FRMD5: variants seen among roughly 807,000 people sequenced by gnomAD.
The protein encoded by FRMD5 is FERM domain-containing protein 5.
Under a neutral mutation model 69.0 loss-of-function variants are expected in FRMD5, and 20 were observed. That is an observed-to-expected ratio of 0.29 (90% CI 0.20 to 0.42). The LOEUF (loss-of-function observed/expected upper bound fraction) is 0.42, where lower values mean the gene tolerates loss of function less well. FRMD5 is among the 10% of genes least tolerant of loss of function. FRMD5 has a pLI of 1.00. For missense variants in FRMD5, 595 were observed against 708.6 expected (o/e 0.84, Z 1.82); for synonymous variants, 271 against 260.1 (o/e 1.04, Z -0.40).
chr15:44,134,949 G>C (rs958434780), intron 1 of FRMD5, among the ~76,000 whole-genome samples: 2 of 152,142 alleles, frequency 1.3e-5, no homozygotes, highest in African/African-American at 4.8e-5. Flanking sequence ...GAGGGAACAA[G>C]GAAAGAGCAA....
Position 43,874,374 on chromosome 15 carries a change from G to A in FRMD5, c.1224C>T (p.Ser408=), listed in dbSNP as rs1345887846. 1 of 1,614,106 alleles carries A rather than the reference G, an allele frequency of 6.2e-7. No individual in the cohort carries two copies. Among genetic ancestry groups the A allele is most frequent in the Non-Finnish European group, 8.5e-7 (1 of 1,180,056 alleles). Residue 408 remains serine, a synonymous_variant, in exon 14 of 14, where the codon AGC becomes AGT. Coordinates refer to ENST00000417257, the MANE Select transcript of FRMD5 (RefSeq NM_032892.5). The part of the protein sequence containing the change: ...GDTFLPHVRS[S]RTDSNERVAV... ...CTACTCGCTCATTGCTATCTGTCCG[G>A]CTGCTTCTCACGTGAGGCAGGAAGG...
intron 1 of FRMD5, among the ~76,000 whole-genome samples, chr15:43,943,109 C>T (rs928432723): frequency 2.6e-5 from 4 of 152,088 alleles, no homozygotes; most frequent in Admixed American, 6.6e-5. Flanking sequence ...GGTGTGGTGG[C>T]GCACACCTGT....
intron 1 of FRMD5, among the ~76,000 whole-genome samples, chr15:44,185,364 TAGAC>T (rs1275517213): frequency 2.0e-5 from 3 of 152,330 alleles, no homozygotes; most frequent in East Asian, 1.9e-4. Context: ...GCTATTCTGT[TAGAC>T]AGATAAGTGT....
intron 8 of FRMD5, 125 bp downstream of exon 8, chr15:43,891,856 A>G (rs2088800180): frequency 4.1e-6 from 3 of 728,302 alleles, no homozygotes; most frequent in South Asian, 3.3e-5. Context: ...TACCACCATC[A>G]ACGCAAGGCT....
chr15:44,039,396 G>C (rs1012977993), intron 1 of FRMD5, among the ~76,000 whole-genome samples: 4 of 152,138 alleles, frequency 2.6e-5, no homozygotes, highest in African/African-American at 9.7e-5. Context: ...TCCCAGTAGG[G>C]GCCAACAGAC....
At chr15:44,030,460 C>T (rs777782006) in intron 1 of FRMD5, among the ~76,000 whole-genome samples, 2 of 152,128 alleles carry the variant, frequency 1.3e-5, no homozygotes, top group African/African-American at 4.8e-5. Context: ...TAATTCAGCA[C>T]TACTTTATGT....
chr15:44,110,359 C>T (rs1015325709), intron 1 of FRMD5, among the ~76,000 whole-genome samples: 2 of 152,140 alleles, frequency 1.3e-5, no homozygotes, highest in African/African-American at 4.8e-5. Flanking sequence ...TGCCCAGCTA[C>T]GTGCAGGCTT....
intron 1 of FRMD5, among the ~76,000 whole-genome samples, chr15:44,179,506 A>C (rs2077958974): frequency 6.6e-6 from 1 of 152,250 alleles, no homozygotes; most frequent in African/African-American, 2.4e-5. Flanking sequence ...CAGTTGAATG[A>C]GCATATAAAG....
intron 1 of FRMD5, among the ~76,000 whole-genome samples, chr15:43,999,928 TATATATATATATATATATGCCATGC>T (rs1890110643): frequency 2.2e-5 from 1 of 44,982 alleles, no homozygotes; most frequent in African/African-American, 6.8e-5. Context: ...TGTATGTATA[TATATATATATATATATATGCCATGC>T]ATATATATAT....
chr15:43,963,300 GAA>G (rs1358086918), intron 1 of FRMD5, among the ~76,000 whole-genome samples: 1 of 152,154 alleles, frequency 6.6e-6, no homozygotes, highest in East Asian at 1.9e-4. Flanking sequence ...AAAAACACAT[GAA>G]AAAATGCTCA....
At chr15:43,958,387 G>A (rs2090146788) in intron 1 of FRMD5, among the ~76,000 whole-genome samples, 1 of 152,138 alleles carries the variant, frequency 6.6e-6, no homozygotes, top group African/African-American at 2.4e-5. Flanking sequence ...GAAAGAAGGG[G>A]GAGATGGTTC....
At chr15:44,161,958 C>A (rs758105738) in intron 1 of FRMD5, among the ~76,000 whole-genome samples, 8 of 152,096 alleles carry the variant, frequency 5.3e-5, no homozygotes, top group Non-Finnish European at 5.9e-5. Context: ...TTATAAGAAA[C>A]TCAGACTTCC....
chr15:43,898,150 G>A (rs2088959732), intron 7 of FRMD5, among the ~76,000 whole-genome samples: 1 of 152,164 alleles, frequency 6.6e-6, no homozygotes, highest in African/African-American at 2.4e-5. Context: ...TTGGCAATGA[G>A]TTGTGCTTAG....
chr15:44,018,665 G>A (rs1405325802), intron 1 of FRMD5, among the ~76,000 whole-genome samples: 3 of 152,260 alleles, frequency 2.0e-5, no homozygotes, highest in South Asian at 2.1e-4. Context: ...CAGGGCAGGA[G>A]GAGAAAGCCC....
intron 1 of FRMD5, among the ~76,000 whole-genome samples, chr15:44,130,722 G>A (rs1566961902): frequency 6.6e-6 from 1 of 152,124 alleles, no homozygotes; most frequent in Non-Finnish European, 1.5e-5. Flanking sequence ...GTAAGAGGGA[G>A]AAAGCATAGC....
intron 1 of FRMD5, chr15:44,101,678 T>C (rs570319416): frequency 6.6e-6 from 1 of 152,478 alleles, no homozygotes; most frequent in South Asian, 2.1e-4. Flanking sequence ...CACAAGTAGA[T>C]ACATTCCAGG....
chr15:44,147,126 T>C (rs2077368865), intron 1 of FRMD5, among the ~76,000 whole-genome samples: 1 of 152,214 alleles, frequency 6.6e-6, no homozygotes, highest in African/African-American at 2.4e-5. Flanking sequence ...TTTTGAGTTT[T>C]ACATTTAAGT....
intron 1 of FRMD5, among the ~76,000 whole-genome samples, chr15:44,053,700 G>A (rs529593124): frequency 3.3e-5 from 5 of 152,126 alleles, no homozygotes; most frequent in African/African-American, 1.2e-4. Flanking sequence ...CACTGTAAGA[G>A]GACCAGGTTT....
At chr15:43,994,198 G>A (rs181889393) in intron 1 of FRMD5, among the ~76,000 whole-genome samples, 1 of 151,752 alleles carries the variant, frequency 6.6e-6, no homozygotes, top group East Asian at 1.9e-4. Context: ...ATTTTCTCTA[G>A]TGTTAGGCTT....
Sources: gnomAD v4.1 joint callset for allele counts (sites outside exome capture counted in the v4.1 genomes callset) on GRCh38, gnomAD v4.1.1 for gene constraint, MANE v1.5 for transcripts, NCBI Gene and HGNC (gene_info 2026-07-23, HGNC 2026-07-21) for gene names.